The following KCNIP4 variants were observed in gnomAD, a reference collection of about 807,000 sequenced individuals.
The protein encoded by KCNIP4 is Kv channel-interacting protein 4.
In KCNIP4, 12 loss-of-function variants were observed where a neutral mutation model predicts 34.0. The ratio of observed to expected loss-of-function variants is 0.35; its 90% CI spans 0.23 to 0.57. The LOEUF is 0.57. KCNIP4 is among the 20% of genes least tolerant of loss of function. The pLI, the probability that KCNIP4 is intolerant of heterozygous loss-of-function variation, is 0.83. For missense variants in KCNIP4, 238 were observed against 311.7 expected, an observed-to-expected ratio of 0.76 and a Z score of 1.78; for synonymous variants, 124 against 102.2, an observed-to-expected ratio of 1.21 and a Z score of -1.29.
At chr4:21,549,857 T>C (rs1037186989) in intron 1 of KCNIP4, among the ~76,000 whole-genome samples, 5 of 152,088 alleles carry the variant, frequency 3.3e-5, no homozygotes, top group African/African-American at 4.8e-5. Flanking sequence ...GTATATCCTA[T>C]AGAACCCTCT....
intron 1 of KCNIP4, among the ~76,000 whole-genome samples, chr4:21,538,658 A>G (rs1737424217): frequency 6.6e-6 from 1 of 152,140 alleles, no homozygotes; most frequent in African/African-American, 2.4e-5. Context: ...GATATAATAA[A>G]ATGGCACGAA....
At chr4:20,927,734 A>C (rs1730039108) in intron 1 of KCNIP4, among the ~76,000 whole-genome samples, 1 of 152,176 alleles carries the variant, frequency 6.6e-6, no homozygotes, top group Non-Finnish European at 1.5e-5. Context: ...GTACAGTTTA[A>C]ATTAAAATAT....
intron 1 of KCNIP4, among the ~76,000 whole-genome samples, chr4:20,971,478 ACT>A (rs1491241500): frequency 1.4e-5 from 2 of 143,098 alleles, no homozygotes; most frequent in African/African-American, 4.9e-5. Context: ...AGCAAACCAT[ACT>A]TTTTTTTTTG....
intron 1 of KCNIP4, among the ~76,000 whole-genome samples, chr4:21,841,426 T>A (rs1390721752): frequency 6.6e-6 from 1 of 152,202 alleles, no homozygotes; most frequent in Non-Finnish European, 1.5e-5. Flanking sequence ...TAAGAATTTA[T>A]CATGAGAATG....
At chr4:21,582,034 AATG>A (rs1741256180) in intron 1 of KCNIP4, 18 of 118,148 alleles carry the variant, frequency 1.5e-4, no homozygotes, top group Non-Finnish European at 2.6e-4. Flanking sequence ...AATAGAATGG[AATG>A]GAATGGAATG....
chr4:20,894,453 C>T lies in KCNIP4; in HGVS notation c.62-11744G>A, dbSNP rs11733792. On this transcript the variant is annotated intron_variant, in intron 1 of 8. Coordinates refer to ENST00000382152, the MANE Select transcript of KCNIP4 (RefSeq NM_025221.6). Reference sequence around the variant, plus strand: ...CTAGGCTACTCTGTTCATTTTATGACTGGCCCATCACCTGACCACTGCCTT... The same window carrying T: ...CTAGGCTACTCTGTTCATTTTATGATTGGCCCATCACCTGACCACTGCCTT... 7.8e-3 allele frequency among the ~76,000 whole-genome samples: 1,183 copies of T among 152,276 alleles called. 12 individuals carry two copies. Among genetic ancestry groups the T allele is most frequent in the Non-Finnish European group, 9.6e-3 (653 of 68,022 alleles).
At chr4:21,213,026 A>T (rs1327487357) in intron 1 of KCNIP4, among the ~76,000 whole-genome samples, 1 of 152,154 alleles carries the variant, frequency 6.6e-6, no homozygotes, top group Non-Finnish European at 1.5e-5. Context: ...GGATGAAAAA[A>T]GGCTAAGAAA....
intron 2 of KCNIP4, among the ~76,000 whole-genome samples, chr4:20,877,733 C>A (rs1724216225): frequency 1.3e-5 from 2 of 152,222 alleles, no homozygotes; most frequent in South Asian, 4.2e-4. Flanking sequence ...TTGAATTTTT[C>A]CAGTAAGTTT....
At chr4:21,181,861 C>A (rs1233113001) in intron 1 of KCNIP4, among the ~76,000 whole-genome samples, 2 of 152,062 alleles carry the variant, frequency 1.3e-5, no homozygotes, top group Non-Finnish European at 2.9e-5. Context: ...CTTAATAAAA[C>A]AAACATAGGA....
intron 1 of KCNIP4, among the ~76,000 whole-genome samples, chr4:21,082,921 T>C (rs1231361581): frequency 7.4e-6 from 1 of 135,988 alleles, no homozygotes; most frequent in East Asian, 2.3e-4. Flanking sequence ...CTAAAATTTA[T>C]GTATACACAG....
At chr4:21,604,529 C>T (rs1743479159) in intron 1 of KCNIP4, among the ~76,000 whole-genome samples, 2 of 151,894 alleles carry the variant, frequency 1.3e-5, no homozygotes, top group Admixed American at 6.6e-5. Flanking sequence ...ATATTTTGCT[C>T]CTCAAATGGC....
At chr4:20,919,620 G>C (rs1251075263) in intron 1 of KCNIP4, among the ~76,000 whole-genome samples, 1 of 149,806 alleles carries the variant, frequency 6.7e-6, no homozygotes, top group African/African-American at 2.5e-5. Flanking sequence ...GGAGAATGGC[G>C]TGAACACGGG....
intron 1 of KCNIP4, among the ~76,000 whole-genome samples, chr4:21,168,951 T>G (rs1281509636): frequency 6.6e-6 from 1 of 152,160 alleles, no homozygotes; most frequent in Admixed American, 6.5e-5. Flanking sequence ...TTATCAGTCT[T>G]TGATCTATGA....
intron 1 of KCNIP4, among the ~76,000 whole-genome samples, chr4:21,598,873 C>T (rs1167703709): frequency 2.6e-5 from 4 of 152,076 alleles, no homozygotes; most frequent in African/African-American, 9.7e-5. Flanking sequence ...CAAATATCCT[C>T]CTAGCTGATT....
intron 1 of KCNIP4, among the ~76,000 whole-genome samples, chr4:21,942,821 G>A (rs141286797): frequency 2.6e-5 from 4 of 152,126 alleles, no homozygotes; most frequent in Non-Finnish European, 4.4e-5. Context: ...GCAATGGTGC[G>A]ATCTAGGCTC....
chr4:21,545,845 C>A (rs1170759462), intron 1 of KCNIP4, among the ~76,000 whole-genome samples: 1 of 152,082 alleles, frequency 6.6e-6, no homozygotes, highest in African/African-American at 2.4e-5. Flanking sequence ...AATAAACATA[C>A]GTGTGCGTGT....
chr4:21,535,426 G>C (rs1737073577), intron 1 of KCNIP4, among the ~76,000 whole-genome samples: 1 of 152,098 alleles, frequency 6.6e-6, no homozygotes, highest in Non-Finnish European at 1.5e-5. Context: ...TAAGACTCAA[G>C]GTCTACCATC....
At chr4:21,555,975 C>A (rs73801675) in intron 1 of KCNIP4, among the ~76,000 whole-genome samples, 1,667 of 152,144 alleles carry the variant, frequency 0.011, 34 homozygotes, top group African/African-American at 0.039. Flanking sequence ...ACTCGGTTAA[C>A]CCTGGAATGA....
At chr4:20,824,445 G>A (rs1228646538) in intron 3 of KCNIP4, among the ~76,000 whole-genome samples, 1 of 152,148 alleles carries the variant, frequency 6.6e-6, no homozygotes, top group Non-Finnish European at 1.5e-5. Context: ...ACTTTGGGAG[G>A]CTGAGGCGGG....
Sources: gnomAD v4.1 joint callset for allele counts (sites outside exome capture counted in the v4.1 genomes callset) on GRCh38, gnomAD v4.1.1 for gene constraint, MANE v1.5 for transcripts, NCBI Gene and HGNC (gene_info 2026-07-23, HGNC 2026-07-21) for gene names.